The following NELL1 variants were observed in gnomAD, a reference collection of about 807,000 sequenced individuals.
NELL1 encodes the protein neural EGFL like 1.
In NELL1, 76 loss-of-function variants were observed where a neutral mutation model predicts 107.4. That is an observed-to-expected ratio of 0.71 (90% CI 0.59 to 0.86). NELL1 has a LOEUF of 0.86. Among genes scored for constraint, NELL1 ranks in the 40% least tolerant of loss-of-function variants. NELL1 has a pLI of 0.00. For synonymous variants in NELL1, 353 were observed against 341.2 expected, an observed-to-expected ratio of 1.03 and a Z score of -0.38; for missense variants, 1,024 against 1,005.5, an observed-to-expected ratio of 1.02 and a Z score of -0.25.
At chr11:21,451,146 C>T (rs549372090) in intron 15 of NELL1, among the ~76,000 whole-genome samples, 289 of 140,174 alleles carry the variant, frequency 2.1e-3, no homozygotes, top group African/African-American at 7.0e-3. Context: ...GAGATCGCGC[C>T]GCTGCACTCC....
intron 2 of NELL1, among the ~76,000 whole-genome samples, chr11:20,758,529 G>C (rs1856348125): frequency 6.6e-6 from 1 of 152,176 alleles, no homozygotes; most frequent in African/African-American, 2.4e-5. Context: ...GGTTGTATCA[G>C]GGGTAGTGAG....
chr11:20,704,757 C>T (rs1439021030), intron 2 of NELL1, among the ~76,000 whole-genome samples: 2 of 152,088 alleles, frequency 1.3e-5, no homozygotes, highest in Non-Finnish European at 2.9e-5. Context: ...TTCTCCTTCA[C>T]TTACGAAGCT....
At chr11:21,446,974 C>A (rs1173818827) in intron 15 of NELL1, among the ~76,000 whole-genome samples, 1 of 152,138 alleles carries the variant, frequency 6.6e-6, no homozygotes, top group African/African-American at 2.4e-5. Context: ...TTAAGCTGAC[C>A]CTGAAACCAC....
Position 21,378,998 on chromosome 11 carries a change from T to G in NELL1, c.1645+8050T>G, listed in dbSNP as rs117899516. Among the ~76,000 whole-genome samples the G allele has an allele frequency of 8.5e-3, 1,296 of 152,030 alleles. 13 individuals are homozygous for G. Among genetic ancestry groups the G allele is most frequent in the South Asian group, 0.016 (75 of 4,820 alleles). On this transcript the variant is annotated intron_variant, in intron 15 of 19. Transcript: ENST00000357134. Reference sequence around the variant, plus strand: ...CTCCCAAAGTGTGCCCGGCCAACACTTGTACATTTTAAGGAGAATTTGCAC... The same window carrying G: ...CTCCCAAAGTGTGCCCGGCCAACACGTGTACATTTTAAGGAGAATTTGCAC...
At chr11:21,402,434 TCC>T (rs1852120714) in intron 15 of NELL1, among the ~76,000 whole-genome samples, 1 of 151,814 alleles carries the variant, frequency 6.6e-6, no homozygotes, top group African/African-American at 2.4e-5. Context: ...ATGCTGGTTT[TCC>T]AATGGTGAAA....
chr11:21,239,542 G>A (rs866103599), intron 14 of NELL1, among the ~76,000 whole-genome samples: 2 of 152,088 alleles, frequency 1.3e-5, no homozygotes, highest in Middle Eastern at 6.8e-3. Context: ...CTAATATGTA[G>A]CCTGAAGCAG....
At chr11:21,491,722 C>A (rs1854822311) in intron 15 of NELL1, among the ~76,000 whole-genome samples, 1 of 151,942 alleles carries the variant, frequency 6.6e-6, no homozygotes. Context: ...TAGTTTTTTC[C>A]AATTCTCTGA....
chr11:21,172,492 G>C (rs1046482581), intron 13 of NELL1, among the ~76,000 whole-genome samples: 1 of 151,754 alleles, frequency 6.6e-6, no homozygotes, highest in Non-Finnish European at 1.5e-5. Context: ...CTTTAAATCA[G>C]TCTCTATTCC....
At chr11:21,289,078 G>T (rs1347954112) in intron 14 of NELL1, among the ~76,000 whole-genome samples, 1 of 152,208 alleles carries the variant, frequency 6.6e-6, no homozygotes, top group Non-Finnish European at 1.5e-5. Flanking sequence ...CCAGATATAA[G>T]AATGGGGGAA....
At chr11:21,542,701 T>C (rs1402869901) in intron 16 of NELL1, among the ~76,000 whole-genome samples, 3 of 152,018 alleles carry the variant, frequency 2.0e-5, no homozygotes, top group African/African-American at 7.2e-5. Flanking sequence ...GGGTGGGTGA[T>C]AAAGAGAATG....
intron 2 of NELL1, among the ~76,000 whole-genome samples, chr11:20,755,784 G>T (rs1214210777): frequency 1.3e-5 from 2 of 149,492 alleles, no homozygotes; most frequent in Non-Finnish European, 3.0e-5. Flanking sequence ...TTGAACTCCT[G>T]ACCTCAGGTG....
chr11:20,783,968 T>C (rs1856903725), intron 3 of NELL1, 138 bp downstream of exon 3: 3 of 767,730 alleles, frequency 3.9e-6, no homozygotes, highest in Non-Finnish European at 5.6e-6. Context: ...CATTCATGAA[T>C]TTACTTTGCA....
intron 14 of NELL1, among the ~76,000 whole-genome samples, chr11:21,300,026 C>T (rs921996967): frequency 5.9e-5 from 9 of 151,876 alleles, no homozygotes; most frequent in African/African-American, 1.7e-4. Context: ...AGACAATGAT[C>T]ACGTAAACAC....
chr11:21,381,430 GAAAA>G (rs1290347680), intron 15 of NELL1, among the ~76,000 whole-genome samples: 6 of 151,912 alleles, frequency 3.9e-5, no homozygotes, highest in African/African-American at 1.2e-4. Context: ...ACTAAAAAAA[GAAAA>G]GAGATGTTGA....
intron 12 of NELL1, among the ~76,000 whole-genome samples, chr11:21,105,115 C>G (rs894349019): frequency 2.0e-5 from 3 of 152,142 alleles, no homozygotes; most frequent in Admixed American, 6.5e-5. Flanking sequence ...CCTAGATTGT[C>G]TTACTGAAGC....
rs756457796 is a variant in NELL1, at chr11:20,669,810, G to A, written c.55+32G>A. 4 of 1,585,392 alleles carry A rather than the reference G, an allele frequency of 2.5e-6. No individual in the cohort carries two copies. Among genetic ancestry groups the A allele is most frequent in the East Asian group, 2.2e-5 (1 of 44,592 alleles). On this transcript the variant is annotated intron_variant, in intron 1 of 19. Coordinates refer to ENST00000357134, the MANE Select transcript of NELL1 (RefSeq NM_006157.5). The surrounding 1 kb of genome is among the most constrained non-coding windows in gnomAD (Gnocchi z 4.4). Reference sequence around the variant, plus strand: ...ATGACTGTGGCGGTTAGAGGGATCCGGGAAATGGGGGTGCCCACAGACCAC... The same window carrying A: ...ATGACTGTGGCGGTTAGAGGGATCCAGGAAATGGGGGTGCCCACAGACCAC...
intron 4 of NELL1, among the ~76,000 whole-genome samples, chr11:20,867,393 A>G (rs1288758607): frequency 6.6e-6 from 1 of 152,174 alleles, no homozygotes; most frequent in African/African-American, 2.4e-5. Context: ...AATGTTAATT[A>G]TTATTATTGT....
In NELL1 at chr11:21,418,152, A is replaced by G. The variant is rs1412695232; in HGVS notation, c.1645+47204A>G. Among the ~76,000 whole-genome samples, 6 of 152,094 alleles carry G rather than the reference A, an allele frequency of 3.9e-5. No homozygotes were observed. The East Asian group carries it at 1.2e-3, about 29-fold the overall frequency. Reference sequence around the variant, plus strand: ...TTTACTGAACACTGGCTTATGTTATACTCTGTGGGATGGGTTGCTAGAAAT... The same window carrying G: ...TTTACTGAACACTGGCTTATGTTATGCTCTGTGGGATGGGTTGCTAGAAAT... On this transcript the variant is annotated intron_variant, in intron 15 of 19. Transcript: ENST00000357134.
rs191032816 is a variant in NELL1, at chr11:21,507,805, G to A, written c.1646-26569G>A. 4.6e-3 allele frequency among the ~76,000 whole-genome samples: 662 copies of A among 144,962 alleles called. 5 individuals are homozygous for A. Among genetic ancestry groups the A allele is most frequent in the African/African-American group, 0.017 (637 of 37,424 alleles). On this transcript the variant is annotated intron_variant, in intron 15 of 19. Transcript: ENST00000357134. ...TTCTTTTCTTTTTTTTTTTTGAGAC[G>A]GAGTCTCACTCTGTCACCAGGCTGG... is the stretch of plus-strand genomic sequence containing the variant.
Sources: gnomAD v4.1 joint callset for allele counts (sites outside exome capture counted in the v4.1 genomes callset) on GRCh38, gnomAD v4.1.1 for gene constraint, Gnocchi (gnomAD v3.1) non-coding constraint, MANE v1.5 for transcripts, NCBI Gene and HGNC (gene_info 2026-07-23, HGNC 2026-07-21) for gene names.